The following KMT2A variants were observed in gnomAD, a reference collection of about 807,000 sequenced individuals.
KMT2A encodes histone-lysine N-methyltransferase 2A.
Under a neutral mutation model 345.3 loss-of-function variants are expected in KMT2A, and 16 were observed. The ratio of observed to expected loss-of-function variants is 0.05; its 90% CI spans 0.03 to 0.07. KMT2A has a LOEUF of 0.07. Ranked by LOEUF, KMT2A falls within the 10% of genes least tolerant of loss-of-function variation. The pLI, the probability that KMT2A is intolerant of heterozygous loss-of-function variation, is 1.00. For missense variants in KMT2A, 3,272 were observed against 4,841.6 expected (o/e 0.68, Z 9.62); for synonymous variants, 1,599 against 1,778.6 (o/e 0.90, Z 2.54).
Position 118,522,737 on chromosome 11 carries a change from G to A in KMT2A, c.*565G>A, listed in dbSNP as rs1041745511. 9.4e-6 allele frequency: 2 copies of A among 213,780 alleles called. No individual in the cohort carries two copies. Among genetic ancestry groups the A allele is most frequent in the Non-Finnish European group, 1.9e-5 (2 of 105,578 alleles). 13.2% of individuals were successfully genotyped at this position (213,780 alleles called of 1,614,324 possible). A position where few individuals can be genotyped will look rare whatever the true frequency, so the allele number is the denominator to read the frequency against. ...GGAGACAGGATTCCTAGCACCTCCG[G>A]TGTCAAAAGGCTGTCATGGGGTTGT... On this transcript the variant is annotated 3_prime_UTR_variant, in exon 36 of 36. Transcript: ENST00000534358. This position sits in a 1 kb window ranked among gnomAD's most constrained non-coding sequence, Gnocchi z 5.4.
chr11:118,453,132 G>A (rs191576793), intron 1 of KMT2A, among the ~76,000 whole-genome samples: 22 of 151,952 alleles, frequency 1.4e-4, no homozygotes, highest in East Asian at 3.9e-4. Flanking sequence ...TTGACCCCAC[G>A]TCCACCTCTA....
At position 118,520,035 on chromosome 11, in the gene KMT2A, A is replaced by G. The variant is rs1555053004; in HGVS notation, c.11400A>G (p.Glu3800=). 1 of 1,614,078 alleles carries G rather than the reference A, an allele frequency of 6.2e-7. No homozygotes were observed. Among genetic ancestry groups the G allele is most frequent in the Non-Finnish European group, 8.5e-7 (1 of 1,179,916 alleles). ...QPPEYNPNDE[E]EEEVQLKSAR... is the part of the protein sequence containing the mutation. ...CTGAATACAACCCCAATGATGAAGA[A>G]GAGGAGGAGGTACAGCTGAAGTCAG... Residue 3800 remains glutamate, a synonymous_variant, in exon 33 of 36, where the codon GAA becomes GAG. Transcript: ENST00000534358. The surrounding 1 kb of genome is among the most constrained non-coding windows in gnomAD (Gnocchi z 4.3).
At chr11:118,477,931 T>A in intron 4 of KMT2A, 36 bp from the exon 5 acceptor site, 1 of 1,527,126 alleles carries the variant, frequency 6.5e-7, no homozygotes, top group Non-Finnish European at 9.1e-7. Context: ...TTGAATTCAG[T>A]ACTCCCTTGG....
rs1252228762 is a variant in KMT2A at position 118,521,974 on chromosome 11, C to T, written c.11721C>T (p.Phe3907=). ...CCATGCATGGAAATGCTGCACGCTT[C>T]ATCAATCACTCGTGTGAGCCTAACT... ...DATMHGNAAR[F]INHSCEPNCY... is the part of the protein sequence containing the mutation. Residue 3907 remains phenylalanine, a synonymous_variant, in exon 36 of 36, where the codon TTC becomes TTT. Transcript: ENST00000534358. The surrounding 1 kb of genome is among the most constrained non-coding windows in gnomAD (Gnocchi z 5.3). 3.7e-6 allele frequency: 6 copies of T among 1,614,088 alleles called. No individual in the cohort carries two copies. In the African/African-American group the frequency reaches 8.0e-5, roughly 22 times the overall value.
Position 118,491,154 on chromosome 11 carries a change from A to G in KMT2A, c.4697-42A>G. The G allele has an allele frequency of 1.9e-6, 3 of 1,604,354 alleles. No homozygotes were observed. Among genetic ancestry groups the G allele is most frequent in the East Asian group, 2.2e-5 (1 of 44,618 alleles). On this transcript the variant is annotated intron_variant, in intron 13 of 35. Coordinates refer to ENST00000534358, the MANE Select transcript of KMT2A (RefSeq NM_001197104.2). This position sits in a 1 kb window ranked among gnomAD's most constrained non-coding sequence, Gnocchi z 4.2. ...AGTCGAGGGCCGTAAAAACACGGGT[A>G]TGTGAGCCAAAGCACTGCTGTAAAC...
chr11:118,517,706 G>A (rs1950852682), intron 31 of KMT2A, among the ~76,000 whole-genome samples: 1 of 152,020 alleles, frequency 6.6e-6, no homozygotes, highest in Non-Finnish European at 1.5e-5. Flanking sequence ...CAAACACAGT[G>A]GCATATATGC....
chr11:118,500,125 A>G (rs781883825), intron 24 of KMT2A, among the ~76,000 whole-genome samples: 3 of 152,202 alleles, frequency 2.0e-5, no homozygotes, highest in Non-Finnish European at 2.9e-5. Flanking sequence ...TTATTGACAT[A>G]ATTTCAGAAT....
Position 118,504,176 on chromosome 11 carries a change from G to A in KMT2A, c.8284G>A (p.Glu2762Lys), listed in dbSNP as rs782694778. 3 of 1,614,144 alleles carry A rather than the reference G, an allele frequency of 1.9e-6. No individual in the cohort carries two copies. Among genetic ancestry groups the A allele is most frequent in the Non-Finnish European group, 2.5e-6 (3 of 1,180,032 alleles). ...GTENLKIDRPEDAGEKEHVTK... is the reference protein window; with the variant it reads ...GTENLKIDRPKDAGEKEHVTK... ...AGAGAACTTAAAGATTGATAGACCT[G>A]AAGATGCTGGGGAGAAAGAACATGT... The change falls in exon 27 of 36, where the codon GAA (glutamate) becomes AAA (lysine). Residue 2762 changes from glutamate (E) to lysine (K), a missense_variant. By Grantham distance (56) the Glu-to-Lys change is moderately conservative. Transcript: ENST00000534358. The surrounding 1 kb of genome is among the most constrained non-coding windows in gnomAD (Gnocchi z 6.4).
intron 31 of KMT2A, among the ~76,000 whole-genome samples, chr11:118,513,981 T>C: frequency 6.7e-6 from 1 of 148,204 alleles, no homozygotes; most frequent in Non-Finnish European, 1.5e-5. Context: ...AAAGTCTTGC[T>C]CATAATTTTT....
chr11:118,507,045 C>A (rs1950596980), intron 27 of KMT2A, among the ~76,000 whole-genome samples: 1 of 152,138 alleles, frequency 6.6e-6, no homozygotes, highest in Admixed American at 6.5e-5. Context: ...GTCTGTAATC[C>A]CAGCACTTTG....
At position 118,491,693 on chromosome 11, in the gene KMT2A, T is replaced by C. The variant is rs2134340460; in HGVS notation, c.4820-51T>C. The C allele has an allele frequency of 7.2e-7, 1 of 1,384,164 alleles. No individual in the cohort carries two copies. Among genetic ancestry groups the C allele is most frequent in the East Asian group, 2.3e-5 (1 of 43,180 alleles). 85.7% of individuals were successfully genotyped at this position (1,384,164 alleles called of 1,614,324 possible). ...CAGTGGAATAGTTTCCTCTTCTTCC[T>C]CTCTCTCATTCTTCAGAGGACCTCA... On this transcript the variant is annotated intron_variant, in intron 14 of 35. Transcript: ENST00000534358. This position sits in a 1 kb window ranked among gnomAD's most constrained non-coding sequence, Gnocchi z 4.2.
At chr11:118,518,756 T>G (rs1427304887) in intron 31 of KMT2A, among the ~76,000 whole-genome samples, 2 of 128,534 alleles carry the variant, frequency 1.6e-5, no homozygotes, top group Non-Finnish European at 3.2e-5. Flanking sequence ...CACTCCAGCC[T>G]GGGTGACGGA....
In KMT2A at chr11:118,497,922, T is replaced by C; in HGVS notation, c.5665-14T>C. ...TATATTCTTTAGGAAAAAAGAAATC[T>C]CTTTATTTTATAGGATGCTGGTCGT... On this transcript the variant is annotated splice_polypyrimidine_tract_variant and intron_variant, in intron 20 of 35. Coordinates refer to ENST00000534358, the MANE Select transcript of KMT2A (RefSeq NM_001197104.2). The surrounding 1 kb of genome is among the most constrained non-coding windows in gnomAD (Gnocchi z 4.8). 1.9e-6 allele frequency: 3 copies of C among 1,600,794 alleles called. No homozygotes were observed. The highest frequency in any genetic ancestry group is 2.6e-6 in the Non-Finnish European group (3 of 1,169,390).
rs1462197248 is a variant in KMT2A, at chr11:118,524,432, G to A, written c.*2260G>A. ...GCTCCCTTCTCTCCTGTGACCTTAA[G>A]AACTTTGTCTGGTGGCTTTGCTGGA... On this transcript the variant is annotated 3_prime_UTR_variant, in exon 36 of 36. Coordinates refer to ENST00000534358, the MANE Select transcript of KMT2A (RefSeq NM_001197104.2). 5.2e-6 allele frequency: 1 copy of A among 191,000 alleles called. No individual in the cohort carries two copies. The highest frequency in any genetic ancestry group is 2.3e-5 in the African/African-American group (1 of 42,850). 11.8% of individuals were successfully genotyped at this position (191,000 alleles called of 1,614,324 possible). A position where few individuals can be genotyped will look rare whatever the true frequency, so the allele number is the denominator to read the frequency against.
intron 2 of KMT2A, among the ~76,000 whole-genome samples, chr11:118,471,375 G>A (rs1431275662): frequency 1.3e-5 from 2 of 152,218 alleles, no homozygotes; most frequent in South Asian, 2.1e-4. Context: ...ATCTAAAATT[G>A]TAAGAAAATC....
Position 118,493,010 on chromosome 11 carries a change from C to A in KMT2A, c.5005-47C>A. 2 of 1,477,902 alleles carry A rather than the reference C, an allele frequency of 1.4e-6. No homozygotes were observed. The highest frequency in any genetic ancestry group is 1.8e-5 in the Admixed American group (1 of 54,896). The allele number at this position is 1,477,902 out of a possible 1,614,324, so 91.5% of individuals were successfully genotyped here. ...ATTTTAATAGAATTTACATGGACAC[C>A]TTGGTTTTAGTGTTAGATAAAAGCA... On this transcript the variant is annotated intron_variant, in intron 15 of 35. Transcript: ENST00000534358. This position sits in a 1 kb window ranked among gnomAD's most constrained non-coding sequence, Gnocchi z 5.8.
In KMT2A at chr11:118,436,496, C is replaced by A; in HGVS notation, c.-17C>A. ...TTGTCGCCTCTCCCTCTCGCTGCTT[C>A]ACTTCACGGGGCGAACATGGCGCAC... On this transcript the variant is annotated 5_prime_UTR_variant, in exon 1 of 36. Coordinates refer to ENST00000534358, the MANE Select transcript of KMT2A (RefSeq NM_001197104.2). This position sits in a 1 kb window ranked among gnomAD's most constrained non-coding sequence, Gnocchi z 6.9. 1 of 1,255,794 alleles carries A rather than the reference C, an allele frequency of 8.0e-7. No homozygotes were observed. Among genetic ancestry groups the A allele is most frequent in the Non-Finnish European group, 1.0e-6 (1 of 988,566 alleles). The allele number at this position is 1,255,794 out of a possible 1,614,324, so 77.8% of individuals were successfully genotyped here. A position where few individuals can be genotyped will look rare whatever the true frequency, so the allele number is the denominator to read the frequency against.
chr11:118,480,336 A>C, intron 6 of KMT2A, 98 bp downstream of exon 6: 1 of 854,166 alleles, frequency 1.2e-6, no homozygotes, highest in Admixed American at 2.2e-5. Context: ...TTTTTAAAGT[A>C]CAACTCTTTC....
At position 118,504,414 on chromosome 11, in the gene KMT2A, G is replaced by A; in HGVS notation, c.8522G>A (p.Ser2841Asn). 6.2e-7 allele frequency: 1 copy of A among 1,614,054 alleles called. No individual in the cohort carries two copies. Among genetic ancestry groups the A allele is most frequent in the Non-Finnish European group, 8.5e-7 (1 of 1,179,980 alleles). ...AAATCAGATTCAGACAATAACAACA[G>A]TGATGACTGTGGGAATATCCTGCCT... is the stretch of plus-strand genomic sequence containing the variant. ...LLKSDSDNNN[S>N]DDCGNILPSD... The change falls in exon 27 of 36, where the codon AGT (serine) becomes AAT (asparagine). Residue 2841 changes from serine to asparagine, a missense_variant. This residue lies in a region of KMT2A where 9 missense variants were observed against 20.3 expected (regional missense o/e 0.44). Transcript: ENST00000534358. This position sits in a 1 kb window ranked among gnomAD's most constrained non-coding sequence, Gnocchi z 6.4.
Sources: allele counts gnomAD v4.1 joint callset (sites outside exome capture counted in the v4.1 genomes callset), GRCh38; gene constraint gnomAD v4.1.1; regional missense constraint gnomAD v4.1.1; non-coding constraint Gnocchi (gnomAD v3.1); transcripts MANE v1.5; gene names NCBI Gene and HGNC (gene_info 2026-07-23, HGNC 2026-07-21).